VPS13B: variants seen among roughly 807,000 people sequenced by gnomAD.
VPS13B encodes vacuolar protein sorting 13 homolog B, also known as intermembrane lipid transfer protein VPS13B.
A neutral mutation model predicts 426.4 loss-of-function variants in VPS13B; 285 were observed. The observed-to-expected ratio is 0.67, with a 90% CI of 0.61 to 0.74. The LOEUF is 0.74. VPS13B is among the 30% of genes least tolerant of loss of function. The pLI is 0.00. For synonymous variants in VPS13B, 1,676 were observed against 1,676.4 expected (o/e 1.00, Z 0.01); for missense variants, 4,537 against 4,782.6 (o/e 0.95, Z 1.51).
intron 36 of VPS13B, among the ~76,000 whole-genome samples, chr8:99,704,138 A>G (rs1334305900): frequency 6.6e-6 from 1 of 152,142 alleles, no homozygotes; most frequent in Non-Finnish European, 1.5e-5. Flanking sequence ...TCAAAGGACT[A>G]TGGTTTATGT....
chr8:99,439,544 T>C (rs1330403721), intron 22 of VPS13B, among the ~76,000 whole-genome samples: 1 of 152,106 alleles, frequency 6.6e-6, no homozygotes, highest in Non-Finnish European at 1.5e-5. Flanking sequence ...TGAAACTCTT[T>C]CCTGAAGAGT....
intron 33 of VPS13B, among the ~76,000 whole-genome samples, chr8:99,637,267 A>T (rs1034169959): frequency 1.3e-5 from 2 of 152,090 alleles, no homozygotes; most frequent in East Asian, 3.9e-4. Context: ...GTAAATCTGC[A>T]GTGGACTGGT....
intron 3 of VPS13B, among the ~76,000 whole-genome samples, chr8:99,079,056 T>C (rs1488987461): frequency 1.3e-5 from 2 of 152,094 alleles, no homozygotes; most frequent in Non-Finnish European, 2.9e-5. Flanking sequence ...GGCTCCCAGA[T>C]ATCAGGTGCC....
intron 29 of VPS13B, among the ~76,000 whole-genome samples, chr8:99,516,698 G>T (rs1447100443): frequency 1.5e-5 from 2 of 133,880 alleles, no homozygotes. Flanking sequence ...TGAGGTGGGA[G>T]AATTAATTGA....
At chr8:99,207,363 T>C (rs2132781391) in intron 17 of VPS13B, among the ~76,000 whole-genome samples, 1 of 152,286 alleles carries the variant, frequency 6.6e-6, no homozygotes, top group African/African-American at 2.4e-5. Flanking sequence ...ACACTTAGAA[T>C]GTTAAGTTAT....
intron 33 of VPS13B, among the ~76,000 whole-genome samples, chr8:99,595,104 C>T (rs916193466): frequency 7.2e-5 from 11 of 151,786 alleles, no homozygotes; most frequent in African/African-American, 2.7e-4. Context: ...CATATATGAC[C>T]CTCTAAAATT....
At chr8:99,234,876 A>G (rs372448258) in intron 17 of VPS13B, among the ~76,000 whole-genome samples, 1 of 152,214 alleles carries the variant, frequency 6.6e-6, no homozygotes, top group Non-Finnish European at 1.5e-5. Flanking sequence ...GAGAAATAGA[A>G]TGTTTGAGGA....
chr8:99,287,220 ATCTATCTGTCTG>A (rs796998883), intron 19 of VPS13B, among the ~76,000 whole-genome samples: 5,351 of 63,774 alleles, frequency 0.084, 171 homozygotes, highest in East Asian at 0.23. Flanking sequence ...GTGTGTGTGT[ATCTATCTGTCTG>A]TCTATCTATC....
chr8:99,233,051 AC>A (rs1482934773), intron 17 of VPS13B: 12 of 1,251,826 alleles, frequency 9.6e-6, no homozygotes, highest in Middle Eastern at 2.7e-4. Context: ...GGGAGGCCTC[AC>A]TTGCTGCGCT....
Position 99,871,374 on chromosome 8 carries a change from G to C in VPS13B, c.11496-74G>C, listed in dbSNP as rs892361534. On this transcript the variant is annotated intron_variant, in intron 60 of 61. Coordinates refer to ENST00000357162, the MANE Select transcript of VPS13B (RefSeq NM_152564.5). ...TGCCCTTGTGGAGGTTGCCCCATTG[G>C]TAAATAATGAGCACTGATAAGTGAC... is the stretch of plus-strand genomic sequence containing the variant. 4 of 1,609,822 alleles carry C rather than the reference G, an allele frequency of 2.5e-6. No homozygotes were observed. The African/African-American group carries it at 5.3e-5, about 21-fold the overall frequency.
chr8:99,628,579 T>C (rs2133906256), intron 33 of VPS13B, among the ~76,000 whole-genome samples: 1 of 152,236 alleles, frequency 6.6e-6, no homozygotes, highest in African/African-American at 2.4e-5. Flanking sequence ...GTCCCTACAA[T>C]TAAGGATATT....
intron 39 of VPS13B, among the ~76,000 whole-genome samples, chr8:99,739,434 G>A (rs2130459793): frequency 6.6e-6 from 1 of 152,334 alleles, no homozygotes; most frequent in East Asian, 1.9e-4. Context: ...CGAAACCTCT[G>A]CAGACTTAAA....
At chr8:99,700,050 T>A in intron 36 of VPS13B, 118 bp downstream of exon 36, 2 of 1,240,590 alleles carry the variant, frequency 1.6e-6, no homozygotes, top group South Asian at 1.5e-5. Context: ...TAAAGGCCAT[T>A]AGAGATGAGG....
At chr8:99,312,345 C>T (rs1028919864) in intron 19 of VPS13B, among the ~76,000 whole-genome samples, 1 of 152,254 alleles carries the variant, frequency 6.6e-6, no homozygotes, top group Admixed American at 6.5e-5. Context: ...CCTTCAGGAG[C>T]TCTTTTAGGG....
intron 61 of VPS13B, chr8:99,873,095 TATC>T (rs1817513614): frequency 1.3e-5 from 2 of 152,236 alleles, no homozygotes; most frequent in Non-Finnish European, 2.9e-5. Context: ...CAAGGGATAA[TATC>T]ATTACGATTA....
chr8:99,644,356 A>C (rs1829492312), intron 34 of VPS13B, among the ~76,000 whole-genome samples: 2 of 152,174 alleles, frequency 1.3e-5, no homozygotes, highest in African/African-American at 2.4e-5. Flanking sequence ...ATACTCCCAA[A>C]TCATGTGTTT....
intron 31 of VPS13B, among the ~76,000 whole-genome samples, chr8:99,574,699 G>C (rs1211989231): frequency 6.6e-6 from 1 of 152,162 alleles, no homozygotes; most frequent in African/African-American, 2.4e-5. Flanking sequence ...GAGGCCAAAA[G>C]CTGTTTTGGT....
At chr8:99,688,154 AT>A (rs1831498982) in intron 35 of VPS13B, among the ~76,000 whole-genome samples, 3 of 51,432 alleles carry the variant, frequency 5.8e-5, no homozygotes, top group East Asian at 4.9e-4. Context: ...TTTTTTTTTT[AT>A]CTGAGGAGCT....
intron 17 of VPS13B, among the ~76,000 whole-genome samples, chr8:99,223,988 T>C (rs1815876280): frequency 6.6e-6 from 1 of 152,230 alleles, no homozygotes; most frequent in South Asian, 2.1e-4. Context: ...CCAAACTGTT[T>C]GATATTTTAG....
Sources: gnomAD v4.1 joint callset for allele counts (sites outside exome capture counted in the v4.1 genomes callset) on GRCh38, gnomAD v4.1.1 for gene constraint, MANE v1.5 for transcripts, NCBI Gene and HGNC (gene_info 2026-07-23, HGNC 2026-07-21) for gene names.